KLC2: variants seen among roughly 807,000 people sequenced by gnomAD.
The protein encoded by KLC2 is KLC 2.
KLC2 carries 35 observed loss-of-function variants against 75.1 expected under a neutral mutation model. That is an observed-to-expected ratio of 0.47 (90% CI 0.36 to 0.62). The LOEUF is 0.62. KLC2 is among the 20% of genes least tolerant of loss of function. The pLI is 0.00. For missense variants in KLC2, 611 were observed against 833.2 expected (o/e 0.73, Z 3.28); for synonymous variants, 314 against 336.7 (o/e 0.93, Z 0.74).
At chr11:66,266,315 A>G in intron 14 of KLC2, 98 bp downstream of exon 14, 1 of 1,490,376 alleles carries the variant, frequency 6.7e-7, no homozygotes, top group Non-Finnish European at 9.1e-7. Flanking sequence ...CAACCTCCCC[A>G]TCCCTCTCAG....
At chr11:66,263,615 C>A in intron 5 of KLC2, 45 bp from the exon 6 acceptor site, 1 of 1,376,130 alleles carries the variant, frequency 7.3e-7, no homozygotes, top group Non-Finnish European at 1.0e-6. Flanking sequence ...TGGGGAGGGC[C>A]TTGAGCTGGA....
At chr11:66,260,328 G>A (rs183555361) in intron 2 of KLC2, among the ~76,000 whole-genome samples, 127 of 152,304 alleles carry the variant, frequency 8.3e-4, no homozygotes, top group African/African-American at 2.9e-3. Context: ...CTCAGGGGCC[G>A]CACACCTGGT....
chr11:66,248,549 G>A, the KLC2 span, among the ~76,000 whole-genome samples: 1 of 152,266 alleles, frequency 6.6e-6, no homozygotes, highest in African/African-American at 2.4e-5. Context: ...CCCGGGAGGC[G>A]TAGGTTGCAG....
upstream of KLC2, among the ~76,000 whole-genome samples, chr11:66,255,858 C>A (rs1046015152): frequency 6.6e-6 from 1 of 151,770 alleles, no homozygotes; most frequent in Non-Finnish European, 1.5e-5. Context: ...CTCCGCCTCC[C>A]GGGTTCAAGC....
intron 4 of KLC2, 107 bp from the exon 5 acceptor site, chr11:66,262,707 G>C (rs1481615417): frequency 1.3e-6 from 1 of 765,590 alleles, no homozygotes; most frequent in African/African-American, 1.7e-5. Flanking sequence ...AGTGGTTAGT[G>C]ACTTGCCCAG....
At chr11:66,263,442 C>T (rs938644597) in intron 5 of KLC2, among the ~76,000 whole-genome samples, 6 of 152,208 alleles carry the variant, frequency 3.9e-5, no homozygotes, top group Non-Finnish European at 7.3e-5. Flanking sequence ...ACCAGGCAGT[C>T]GGTGGGACCC....
chr11:66,252,363 G>A (rs1822891646), upstream of KLC2, among the ~76,000 whole-genome samples: 1 of 152,126 alleles, frequency 6.6e-6, no homozygotes, highest in Non-Finnish European at 1.5e-5. Context: ...TCGGCTCACC[G>A]CAAGCTCCGC....
chr11:66,261,530 C>T, intron 2 of KLC2: 1 of 542,832 alleles, frequency 1.8e-6, no homozygotes, highest in Non-Finnish European at 3.3e-6. Flanking sequence ...GAACTGGGGA[C>T]TCCCAAGCCT....
chr11:66,260,111 G>A (rs542790540), intron 2 of KLC2, among the ~76,000 whole-genome samples: 5 of 152,038 alleles, frequency 3.3e-5, no homozygotes, highest in Non-Finnish European at 7.4e-5. Flanking sequence ...TGGTTTCCTT[G>A]TCTTTAAAAT....
chr11:66,263,617 TG>T, intron 5 of KLC2, 42 bp from the exon 6 acceptor site: 1 of 1,398,162 alleles, frequency 7.2e-7, no homozygotes, highest in South Asian at 1.2e-5. Flanking sequence ...GGGAGGGCCT[TG>T]AGCTGGAGGA....
chr11:66,261,472 C>T, intron 2 of KLC2: 1 of 429,870 alleles, frequency 2.3e-6, no homozygotes. Flanking sequence ...AGGGAAAGCA[C>T]AGCACCCCAA....
the KLC2 span, among the ~76,000 whole-genome samples, chr11:66,246,972 T>A: frequency 6.6e-6 from 1 of 152,064 alleles, no homozygotes; most frequent in Admixed American, 6.5e-5. Context: ...CAGCCTCTAA[T>A]ATAGCCTCCT....
At position 66,258,610 on chromosome 11, in the gene KLC2, T is replaced by C. The variant is rs2134792947; in HGVS notation, c.16T>C (p.Phe6Leu). The stretch of plus-strand genomic sequence containing the variant: ...CGCCACAGCCATGGCCATGATGGTG[T>C]TTCCGCGGGAGGAGAAGCTGAGCCA... MAMMV[F>L]PREEKLSQDE... The change falls in exon 2 of 16, where the codon TTT (phenylalanine) becomes CTT (leucine). Residue 6 changes from phenylalanine to leucine, a missense_variant. By Grantham distance (22) the Phe-to-Leu change is conservative. Coordinates refer to ENST00000394067, the MANE Select transcript of KLC2 (RefSeq NM_001318734.2). The C allele has an allele frequency of 1.2e-6, 2 of 1,613,208 alleles. No individual in the cohort carries two copies. The highest frequency in any genetic ancestry group is 1.7e-6 in the Non-Finnish European group (2 of 1,179,386).
chr11:66,255,017 C>G (rs1173324544), upstream of KLC2, among the ~76,000 whole-genome samples: 1 of 152,144 alleles, frequency 6.6e-6, no homozygotes, highest in African/African-American at 2.4e-5. Flanking sequence ...AAAGTTATTT[C>G]TCAAAAGATT....
At chr11:66,245,827 A>T in the KLC2 span, among the ~76,000 whole-genome samples, 1 of 152,372 alleles carries the variant, frequency 6.6e-6, no homozygotes, top group South Asian at 2.1e-4. Flanking sequence ...GGTTGCAGTG[A>T]GCTGAGATCG....
At chr11:66,252,629 C>T (rs1855973726), upstream of KLC2, among the ~76,000 whole-genome samples, 1 of 152,216 alleles carries the variant, frequency 6.6e-6, no homozygotes, top group Admixed American at 6.5e-5. Context: ...CCCTGCTTTA[C>T]AGATGAGGAA....
the KLC2 span, among the ~76,000 whole-genome samples, chr11:66,251,048 T>C: frequency 6.6e-6 from 1 of 152,126 alleles, no homozygotes; most frequent in Non-Finnish European, 1.5e-5. Context: ...AGACCTGCTC[T>C]GCAGACCAGC....
rs770369160 is a variant in KLC2 at position 66,262,989 on chromosome 11, C to T, written c.705C>T (p.Asp235=). ...ACCTGGAGAAGACGTCAGGCCACGA[C>T]CACCCTGACGTTGCCACCATGCTGA... is the stretch of plus-strand genomic sequence containing the variant. The part of the protein sequence containing the change: ...LEDLEKTSGH[D]HPDVATMLNI... Residue 235 remains aspartate, a synonymous_variant, in exon 5 of 16, where the codon GAC becomes GAT. Coordinates refer to ENST00000394067, the MANE Select transcript of KLC2 (RefSeq NM_001318734.2). 2 of 1,614,032 alleles carry T rather than the reference C, an allele frequency of 1.2e-6. No homozygotes were observed. The highest frequency in any genetic ancestry group is 4.5e-5 in the East Asian group (2 of 44,872).
At chr11:66,248,251 T>C in the KLC2 span, among the ~76,000 whole-genome samples, 4 of 152,210 alleles carry the variant, frequency 2.6e-5, no homozygotes, top group African/African-American at 9.7e-5. Flanking sequence ...CCAGTTTCCC[T>C]TACTGTTAAC....
Sources: gnomAD v4.1 joint callset for allele counts (sites outside exome capture counted in the v4.1 genomes callset) on GRCh38, gnomAD v4.1.1 for gene constraint, MANE v1.5 for transcripts, NCBI Gene and HGNC (gene_info 2026-07-23, HGNC 2026-07-21) for gene names.